The following ARPC1B variants were observed in gnomAD, a reference collection of about 807,000 sequenced individuals.
The protein encoded by ARPC1B is actin related protein 2/3 complex subunit 1B.
A neutral mutation model predicts 46.0 loss-of-function variants in ARPC1B; 29 were observed. The ratio of observed to expected loss-of-function variants is 0.63; its 90% CI spans 0.47 to 0.86. ARPC1B has a LOEUF of 0.86. Among genes scored for constraint, ARPC1B ranks in the 40% least tolerant of loss-of-function variants. The pLI is 0.00. For missense variants in ARPC1B, 469 were observed against 529.4 expected, an observed-to-expected ratio of 0.89 and a Z score of 1.12; for synonymous variants, 201 against 213.9, an observed-to-expected ratio of 0.94 and a Z score of 0.53.
intron 1 of ARPC1B, among the ~76,000 whole-genome samples, chr7:99,378,778 T>C (rs1794110777): frequency 1.5e-5 from 2 of 131,220 alleles, no homozygotes; most frequent in African/African-American, 3.3e-5. Flanking sequence ...CTTTTTCTTT[T>C]TTTTTTTTTT....
chr7:99,378,256 GAC>G (rs1794088273), intron 1 of ARPC1B, among the ~76,000 whole-genome samples: 1 of 147,872 alleles, frequency 6.8e-6, no homozygotes, highest in Non-Finnish European at 1.5e-5. Flanking sequence ...AGTTTTTATA[GAC>G]ACAGGGTTTT....
At chr7:99,383,593 G>A (rs754450150) in intron 1 of ARPC1B, among the ~76,000 whole-genome samples, 4 of 152,212 alleles carry the variant, frequency 2.6e-5, no homozygotes, top group Admixed American at 2.0e-4. Context: ...AGGGAATTAC[G>A]AAGTGCCGGA....
intron 4 of ARPC1B, 91 bp downstream of exon 4, chr7:99,388,352 C>T: frequency 7.7e-7 from 1 of 1,297,358 alleles, no homozygotes; most frequent in Non-Finnish European, 1.1e-6. Flanking sequence ...ATGTCAGGAC[C>T]CCTGTTCCCA....
In ARPC1B at chr7:99,394,613, C is replaced by T. The variant is rs1794705099; in HGVS notation, c.*124C>T. The T allele has an allele frequency of 7.9e-6, 12 of 1,525,318 alleles. No individual in the cohort carries two copies. The highest frequency in any genetic ancestry group is 1.1e-5 in the Non-Finnish European group (12 of 1,134,330). The allele number at this position is 1,525,318 out of a possible 1,614,324, so 94.5% of individuals were successfully genotyped here. A position where few individuals can be genotyped will look rare whatever the true frequency, so the allele number is the denominator to read the frequency against. On this transcript the variant is annotated 3_prime_UTR_variant, in exon 10 of 10. Coordinates refer to ENST00000646101, the MANE Select transcript of ARPC1B (RefSeq NM_005720.4). Reference sequence around the variant, plus strand: ...AATACGAGTTCCCATAGGGGCTGCTCCCTCAAAAAGGGAGGGGACAGATGG... The same window carrying T: ...AATACGAGTTCCCATAGGGGCTGCTTCCTCAAAAAGGGAGGGGACAGATGG...
chr7:99,394,418 G>C, intron 9 of ARPC1B, 33 bp from the exon 10 acceptor site: 1 of 1,577,690 alleles, frequency 6.3e-7, no homozygotes, highest in South Asian at 1.1e-5. Flanking sequence ...CAGGACAGCT[G>C]AGAACCAGCC....
At chr7:99,375,380 T>C (rs928683981) in intron 1 of ARPC1B, among the ~76,000 whole-genome samples, 2 of 152,092 alleles carry the variant, frequency 1.3e-5, no homozygotes, top group Non-Finnish European at 1.5e-5. Flanking sequence ...CCGGGCCAGG[T>C]CCGAGGGGTC....
intron 4 of ARPC1B, 78 bp downstream of exon 4, chr7:99,388,339 G>A (rs747266972): frequency 1.4e-6 from 2 of 1,406,000 alleles, no homozygotes; most frequent in Non-Finnish European, 2.0e-6. Context: ...AGCACCAAAT[G>A]GGATGTCAGG....
chr7:99,378,313 TCCACCTGGCTTGG>T (rs1794091129), intron 1 of ARPC1B, among the ~76,000 whole-genome samples: 2 of 151,476 alleles, frequency 1.3e-5, no homozygotes, highest in Non-Finnish European at 2.9e-5. Flanking sequence ...ACTCAAGTGA[TCCACCTGGCTTGG>T]CCTCCCAAAA....
At chr7:99,383,721 T>C (rs758444447) in intron 1 of ARPC1B, among the ~76,000 whole-genome samples, 2 of 152,162 alleles carry the variant, frequency 1.3e-5, no homozygotes, top group Non-Finnish European at 2.9e-5. Flanking sequence ...GGGAAGAGTG[T>C]CACAGGCCTA....
chr7:99,382,633 A>C (rs1373065017), intron 1 of ARPC1B, among the ~76,000 whole-genome samples: 1 of 151,468 alleles, frequency 6.6e-6, no homozygotes, highest in Non-Finnish European at 1.5e-5. Flanking sequence ...CACACCTGCA[A>C]ATTTTTTTAT....
At chr7:99,376,112 G>A (rs995069794) in intron 1 of ARPC1B, among the ~76,000 whole-genome samples, 1 of 150,994 alleles carries the variant, frequency 6.6e-6, no homozygotes, top group Non-Finnish European at 1.5e-5. Context: ...AGCTACTTAG[G>A]AGGATGAGGC....
chr7:99,388,800 T>A (rs1283235750), intron 4 of ARPC1B: 4 of 153,064 alleles, frequency 2.6e-5, no homozygotes, highest in African/African-American at 7.3e-5. Context: ...GCCCGGATAA[T>A]TTTTATATTT....
At chr7:99,387,471 C>A (rs1383007196) in intron 3 of ARPC1B, among the ~76,000 whole-genome samples, 1 of 152,016 alleles carries the variant, frequency 6.6e-6, no homozygotes, top group South Asian at 2.1e-4. Flanking sequence ...GGTGCGGTGG[C>A]TTGCGCCTGT....
chr7:99,393,851 C>T (rs952935102), intron 8 of ARPC1B, among the ~76,000 whole-genome samples, 178 bp from the exon 9 acceptor site: 11 of 152,194 alleles, frequency 7.2e-5, no homozygotes, highest in African/African-American at 2.7e-4. Context: ...TCCCATTTGC[C>T]TGCACCTCGC....
At chr7:99,375,518 A>AGGGCG (rs992628999) in intron 1 of ARPC1B, among the ~76,000 whole-genome samples, 3 of 152,080 alleles carry the variant, frequency 2.0e-5, no homozygotes, top group Non-Finnish European at 2.9e-5. Flanking sequence ...CAGGCCGCCT[A>AGGGCG]GGGCGGGGCG....
At chr7:99,393,156 C>T (rs1794632068) in intron 8 of ARPC1B, among the ~76,000 whole-genome samples, 2 of 152,100 alleles carry the variant, frequency 1.3e-5, no homozygotes, top group South Asian at 2.1e-4. Flanking sequence ...GGTCGCGTAG[C>T]GGGCCCAGGG....
intron 1 of ARPC1B, among the ~76,000 whole-genome samples, chr7:99,379,005 C>T (rs1794125454): frequency 6.6e-6 from 1 of 152,002 alleles, no homozygotes; most frequent in Non-Finnish European, 1.5e-5. Context: ...TCTCGATCTC[C>T]TGACCTCGTG....
chr7:99,383,737 C>T (rs918787070), intron 1 of ARPC1B, among the ~76,000 whole-genome samples: 11 of 152,216 alleles, frequency 7.2e-5, no homozygotes, highest in Admixed American at 6.5e-4. Flanking sequence ...GCCTAGGGAA[C>T]AGCCAGCACG....
Position 99,388,187 on chromosome 7 carries a change from C to T in ARPC1B, c.318C>T (p.Pro106=). The change falls in exon 4 of 10, where the codon CCC becomes CCT. Residue 106 remains proline, a synonymous_variant. Transcript: ENST00000646101. ...CTGCCCGCTGCGTGCGCTGGGCCCC[C>T]AACGAGAACAAGTTTGCTGTGGGCA... ...NRAARCVRWA[P]NENKFAVGSG... 1 of 1,614,256 alleles carries T rather than the reference C, an allele frequency of 6.2e-7. No homozygotes were observed. The highest frequency in any genetic ancestry group is 1.1e-5 in the South Asian group (1 of 91,086).
Sources: gnomAD v4.1 joint callset for allele counts (sites outside exome capture counted in the v4.1 genomes callset) on GRCh38, gnomAD v4.1.1 for gene constraint, MANE v1.5 for transcripts, NCBI Gene and HGNC (gene_info 2026-07-23, HGNC 2026-07-21) for gene names.